Variants in BTNL8 observed in about 807,000 individuals in gnomAD.
BTNL8 encodes the protein butyrophilin-like protein 8.
BTNL8 carries 22 observed loss-of-function variants against 36.1 expected under a neutral mutation model. That is an observed-to-expected ratio of 0.61 (90% CI 0.44 to 0.87). The LOEUF is 0.87. BTNL8 is among the 40% of genes least tolerant of loss of function. The pLI is 0.00. For synonymous variants in BTNL8, 203 were observed against 235.6 expected (o/e 0.86, Z 1.27); for missense variants, 526 against 616.9 (o/e 0.85, Z 1.56).
rs533357794 is a variant in BTNL8 at position 180,935,769 on chromosome 5, C to A, written c.674-11743C>A. 4.7e-5 allele frequency among the ~76,000 whole-genome samples: 7 copies of A among 149,714 alleles called. No individual in the cohort carries two copies. The highest frequency in any genetic ancestry group is 8.9e-5 in the Non-Finnish European group (6 of 67,346). ...CCACCTGGCTCCATGGAGCACATGG[C>A]CCCAGCCACACCTCCCCTGCTGCAG... On this transcript the variant is annotated intron_variant, in intron 3 of 7. Coordinates refer to ENST00000340184, the MANE Select transcript of BTNL8 (RefSeq NM_001040462.3). This position sits in a 1 kb window ranked among gnomAD's most constrained non-coding sequence, Gnocchi z 4.8.
chr5:180,913,331 C>T (rs773829482), intron 3 of BTNL8, among the ~76,000 whole-genome samples: 2 of 152,162 alleles, frequency 1.3e-5, no homozygotes, highest in Admixed American at 1.3e-4. Flanking sequence ...CTGAGGCAGT[C>T]ACCATGCAAG....
chr5:180,908,474 C>T (rs563162303), intron 1 of BTNL8, 112 bp from the exon 2 acceptor site: 6 of 993,264 alleles, frequency 6.0e-6, no homozygotes, highest in East Asian at 5.2e-5. Flanking sequence ...CCATGTTCTG[C>T]GTCGCTCACT....
chr5:180,910,122 A>G (rs1380712927), intron 2 of BTNL8, among the ~76,000 whole-genome samples: 1 of 152,188 alleles, frequency 6.6e-6, no homozygotes, highest in Non-Finnish European at 1.5e-5. Context: ...TTTCTAGCCC[A>G]GGCATTTTAA....
At chr5:180,917,844 C>T (rs964904686) in intron 3 of BTNL8, among the ~76,000 whole-genome samples, 7 of 151,486 alleles carry the variant, frequency 4.6e-5, no homozygotes, top group East Asian at 1.9e-4. Context: ...CTGGCTAACA[C>T]GGTGAAACCC....
At chr5:180,911,258 G>A in intron 2 of BTNL8, 81 bp from the exon 3 acceptor site, 2 of 1,559,130 alleles carry the variant, frequency 1.3e-6, no homozygotes, top group South Asian at 2.4e-5. Context: ...GGTGGGGGGT[G>A]GACTGAATGC....
intron 3 of BTNL8, 89 bp downstream of exon 3, chr5:180,911,703 T>C (rs1757411568): frequency 7.9e-7 from 1 of 1,270,932 alleles, no homozygotes; most frequent in African/African-American, 1.5e-5. Flanking sequence ...GGCATTGCTG[T>C]TTTATCTTTC....
At chr5:180,939,424 T>C (rs1434639659) in intron 3 of BTNL8, among the ~76,000 whole-genome samples, 1 of 152,008 alleles carries the variant, frequency 6.6e-6, no homozygotes, top group Non-Finnish European at 1.5e-5. Flanking sequence ...TTAGATAAGA[T>C]AGATTTTAAG....
intron 1 of BTNL8, chr5:180,902,492 C>A: frequency 2.3e-6 from 3 of 1,292,300 alleles, no homozygotes; most frequent in Non-Finnish European, 3.3e-6. Flanking sequence ...CCCAATGGAG[C>A]CCTGAGTAGG....
rs200185599 is a variant in BTNL8, at chr5:180,947,728, T to A, written c.787+103T>A. The A allele has an allele frequency of 5.8e-5, 94 of 1,614,246 alleles. No homozygotes were observed. The African/African-American group carries it at 1.1e-3, about 19-fold the overall frequency. ...CCAGCTGCTTCTCTTCTTCTAGTCC[T>A]AGCCTCCAGGGGCCCAGGCCCAAAA... On this transcript the variant is annotated intron_variant, in intron 4 of 7. Coordinates refer to ENST00000340184, the MANE Select transcript of BTNL8 (RefSeq NM_001040462.3).
At position 180,950,384 on chromosome 5, in the gene BTNL8, C is replaced by A; in HGVS notation, c.1343C>A (p.Ser448Tyr). The A allele has an allele frequency of 1.4e-6, 2 of 1,462,882 alleles. 1 individual carries two copies. The highest frequency in any genetic ancestry group is 1.9e-6 in the Non-Finnish European group (2 of 1,058,838). 90.6% of individuals were successfully genotyped at this position (1,462,882 alleles called of 1,614,324 possible). The change falls in exon 8 of 8, where the codon TCC becomes TAC. Residue 448 changes from serine (S) to tyrosine (Y), a missense_variant. This residue lies in a region of BTNL8 where 176 missense variants were observed against 292.3 expected (regional missense o/e 0.60). Transcript: ENST00000340184. The part of the protein sequence containing the change: ...GLLRPYIEYP[S>Y]YNEQNGTPIV... ...TTGAGGCCCTACATTGAGTATCCGT[C>A]CTATAATGAGCAAAATGGAACTCCC...
Position 180,932,298 on chromosome 5 carries a change from A to G in BTNL8, c.674-15214A>G, listed in dbSNP as rs757297335. On this transcript the variant is annotated intron_variant, in intron 3 of 7. Transcript: ENST00000340184. Reference sequence around the variant, plus strand: ...TGCGGCAAACCAGCATGGCACATGTATACCTATGTAACAAACCTGCACATT... The same window carrying G: ...TGCGGCAAACCAGCATGGCACATGTGTACCTATGTAACAAACCTGCACATT... Among the ~76,000 whole-genome samples the G allele has an allele frequency of 2.6e-5, 4 of 152,208 alleles. 1 individual carries two copies. The South Asian group carries it at 8.3e-4, about 32-fold the overall frequency.
chr5:180,916,139 G>T (rs577495646), intron 3 of BTNL8, among the ~76,000 whole-genome samples: 7 of 152,188 alleles, frequency 4.6e-5, no homozygotes, highest in Non-Finnish European at 8.8e-5. Flanking sequence ...GAAGGAAGCT[G>T]CTTCTGCAAA....
At chr5:180,903,129 A>G (rs1454936224) in intron 1 of BTNL8, among the ~76,000 whole-genome samples, 1 of 120,572 alleles carries the variant, frequency 8.3e-6, no homozygotes, top group African/African-American at 4.2e-5. Flanking sequence ...GAACTAGTTT[A>G]CAGTCCCACC....
At chr5:180,923,646 A>G (rs1430921516) in intron 3 of BTNL8, among the ~76,000 whole-genome samples, 1 of 152,146 alleles carries the variant, frequency 6.6e-6, no homozygotes, top group African/African-American at 2.4e-5. Flanking sequence ...TGGAATAGTA[A>G]TCATTGCAAA....
intron 3 of BTNL8, among the ~76,000 whole-genome samples, chr5:180,922,434 T>C (rs1477956860): frequency 6.6e-6 from 1 of 151,808 alleles, no homozygotes; most frequent in East Asian, 1.9e-4. Context: ...AATTTCTGCC[T>C]TAATTTCATT....
chr5:180,908,821 G>T lies in BTNL8; in HGVS notation c.285G>T (p.Gly95=). 6.2e-7 allele frequency: 1 copy of T among 1,614,158 alleles called. No homozygotes were observed. Among genetic ancestry groups the T allele is most frequent in the Non-Finnish European group, 8.5e-7 (1 of 1,180,016 alleles). ...TKLVKDSIAE[G]RISLRLENIT... is the part of the protein sequence containing the mutation. ...TGGTGAAGGATTCTATTGCGGAGGG[G>T]CGCATCTCTCTGAGGCTGGAAAACA... The change falls in exon 2 of 8, where the codon GGG becomes GGT. Residue 95 remains glycine, a synonymous_variant. Coordinates refer to ENST00000340184, the MANE Select transcript of BTNL8 (RefSeq NM_001040462.3).
chr5:180,942,184 T>C (rs1281567482), intron 3 of BTNL8, among the ~76,000 whole-genome samples: 3 of 152,054 alleles, frequency 2.0e-5, no homozygotes, highest in African/African-American at 7.2e-5. Flanking sequence ...GAAAGCAGTA[T>C]CATTTACAAT....
intron 3 of BTNL8, among the ~76,000 whole-genome samples, chr5:180,924,910 C>T (rs190009338): frequency 7.2e-5 from 11 of 152,122 alleles, no homozygotes; most frequent in African/African-American, 2.4e-4. Context: ...AAATAAATAA[C>T]ATTTGAAAAA....
At chr5:180,942,746 T>G (rs1242311749) in intron 3 of BTNL8, among the ~76,000 whole-genome samples, 1 of 151,990 alleles carries the variant, frequency 6.6e-6, no homozygotes, top group East Asian at 1.9e-4. Flanking sequence ...TGCAGAAGAA[T>G]GAACTAACCC....
Sources: allele counts gnomAD v4.1 joint callset (sites outside exome capture counted in the v4.1 genomes callset), GRCh38; gene constraint gnomAD v4.1.1; regional missense constraint gnomAD v4.1.1; non-coding constraint Gnocchi (gnomAD v3.1); transcripts MANE v1.5; gene names NCBI Gene and HGNC (gene_info 2026-07-23, HGNC 2026-07-21).